The following TCF4 variants were observed in gnomAD, a reference collection of about 807,000 sequenced individuals.
The protein encoded by TCF4 is SL3-3 enhancer factor 2.
A neutral mutation model predicts 82.1 loss-of-function variants in TCF4; 3 were observed. That is an observed-to-expected ratio of 0.04 (90% CI 0.02 to 0.09). TCF4 has a LOEUF of 0.09. TCF4 is among the 10% of genes least tolerant of loss of function. The pLI is 1.00. For missense variants in TCF4, 518 were observed against 852.7 expected (o/e 0.61, Z 4.89); for synonymous variants, 276 against 309.6 (o/e 0.89, Z 1.14).
intron 3 of TCF4, among the ~76,000 whole-genome samples, chr18:55,579,711 T>TCACAGGC (rs769749334): frequency 3.9e-5 from 6 of 152,090 alleles, no homozygotes; most frequent in Middle Eastern, 6.8e-3. Flanking sequence ...ACGTTGAAAA[T>TCACAGGC]CACAGGCCTG....
chr18:55,489,047 C>T (rs2096548146), intron 3 of TCF4, among the ~76,000 whole-genome samples: 1 of 152,136 alleles, frequency 6.6e-6, no homozygotes, highest in South Asian at 2.1e-4. Flanking sequence ...GGACACATGA[C>T]AGAGGCTGGT....
intron 6 of TCF4, among the ~76,000 whole-genome samples, chr18:55,363,716 G>A (rs2086103746): frequency 6.6e-6 from 1 of 152,112 alleles, no homozygotes; most frequent in Non-Finnish European, 1.5e-5. Flanking sequence ...TGAGGCAGAA[G>A]AATCGCCTGA....
chr18:55,261,052 T>G (rs1361150686), intron 12 of TCF4: 2 of 163,030 alleles, frequency 1.2e-5, no homozygotes. Flanking sequence ...CAGTTCTTCA[T>G]GGACCTCAGT....
chr18:55,616,570 C>A (rs2097712281), intron 2 of TCF4, among the ~76,000 whole-genome samples: 1 of 152,074 alleles, frequency 6.6e-6, no homozygotes, highest in Non-Finnish European at 1.5e-5. Context: ...CACCATTTTA[C>A]CATCCCACCA....
intron 8 of TCF4, among the ~76,000 whole-genome samples, chr18:55,325,176 T>C (rs1421046125): frequency 6.6e-6 from 1 of 152,218 alleles, no homozygotes; most frequent in Non-Finnish European, 1.5e-5. Flanking sequence ...TGAAGAGCTA[T>C]ATTCAACCAT....
At chr18:55,403,314 T>C (rs1020526915) in intron 6 of TCF4, 140 bp downstream of exon 6, 11 of 929,094 alleles carry the variant, frequency 1.2e-5, no homozygotes, top group Admixed American at 5.2e-5. Flanking sequence ...TGTTATTTCA[T>C]TACTTAAAGA....
At chr18:55,397,191 C>T (rs1204428225) in intron 6 of TCF4, among the ~76,000 whole-genome samples, 1 of 152,166 alleles carries the variant, frequency 6.6e-6, no homozygotes, top group African/African-American at 2.4e-5. Context: ...TTACCAACAG[C>T]AGCATAGCTC....
Position 55,588,148 on chromosome 18 carries a change from G to C in TCF4, c.-131C>G. 9.2e-7 allele frequency: 1 copy of C among 1,085,318 alleles called. No homozygotes were observed. The highest frequency in any genetic ancestry group is 1.1e-6 in the Non-Finnish European group (1 of 900,544). The allele number at this position is 1,085,318 out of a possible 1,614,324, so 67.2% of individuals were successfully genotyped here. The stretch of plus-strand genomic sequence containing the variant: ...TGCTCCTGCGCCCGCTCCCGCGCCT[G>C]CTGCCTCCCCGCCGCCGCCGCCGCC... On this transcript the variant is annotated 5_prime_UTR_variant, in exon 1 of 20. Transcript: ENST00000354452.
upstream of TCF4, chr18:55,588,497 A>C: frequency 2.6e-6 from 4 of 1,535,248 alleles, no homozygotes; most frequent in Non-Finnish European, 3.5e-6. Context: ...CGTCAGTTAC[A>C]ATCTGAAGCC....
At chr18:55,324,321 T>C (rs1183682355) in intron 8 of TCF4, among the ~76,000 whole-genome samples, 2 of 152,222 alleles carry the variant, frequency 1.3e-5, no homozygotes, top group African/African-American at 2.4e-5. Context: ...ATGTTTGGTT[T>C]TGGTTTGCTG....
At chr18:55,236,242 T>C (rs1053300900) in intron 15 of TCF4, among the ~76,000 whole-genome samples, 9 of 152,168 alleles carry the variant, frequency 5.9e-5, no homozygotes, top group African/African-American at 2.2e-4. Flanking sequence ...CAGAGAGATG[T>C]AGGAAGTCCA....
chr18:55,583,087 A>AGTG (rs2097592591), intron 3 of TCF4, among the ~76,000 whole-genome samples: 6 of 152,166 alleles, frequency 3.9e-5, no homozygotes. Flanking sequence ...TGTACCCTAC[A>AGTG]TATTATAATC....
intron 2 of TCF4, among the ~76,000 whole-genome samples, chr18:55,605,350 C>T (rs1386330448): frequency 1.3e-5 from 2 of 152,206 alleles, no homozygotes; most frequent in Admixed American, 1.3e-4. Context: ...CTTGGTCTAG[C>T]AAGAGCATTG....
chr18:55,321,356 A>T, intron 8 of TCF4: 1 of 370,088 alleles, frequency 2.7e-6, no homozygotes, highest in Admixed American at 3.9e-5. Context: ...ATTTTCCAAA[A>T]CTCTTTAAAA....
intron 11 of TCF4, chr18:55,268,444 C>T (rs1339541954): frequency 1.3e-5 from 2 of 152,076 alleles, no homozygotes; most frequent in African/African-American, 4.8e-5. Context: ...TAACAAACTT[C>T]CCCATGTGAC....
chr18:55,379,088 G>C (rs1623427), intron 6 of TCF4, among the ~76,000 whole-genome samples: 52,711 of 152,006 alleles, frequency 0.35, 9,412 homozygotes, highest in East Asian at 0.57. Context: ...TGACCTCCCT[G>C]TTTCAAAGAA....
intron 3 of TCF4, among the ~76,000 whole-genome samples, chr18:55,584,015 C>T (rs2097606188): frequency 6.6e-6 from 1 of 151,912 alleles, no homozygotes; most frequent in Admixed American, 6.6e-5. Flanking sequence ...TCAATGTGCA[C>T]CAGAAAACTA....
chr18:55,362,843 C>T (rs1660233), intron 6 of TCF4, among the ~76,000 whole-genome samples: 76,950 of 152,030 alleles, frequency 0.51, 21,731 homozygotes, highest in African/African-American at 0.78. Flanking sequence ...ATTCAGCATA[C>T]GACACTGACT....
intron 8 of TCF4, among the ~76,000 whole-genome samples, chr18:55,304,510 C>G (rs1471458988): frequency 2.0e-5 from 3 of 152,074 alleles, no homozygotes; most frequent in Non-Finnish European, 4.4e-5. Context: ...AAAACAATAT[C>G]ATGCATTTCT....
Sources: gnomAD v4.1 joint callset for allele counts (sites outside exome capture counted in the v4.1 genomes callset) on GRCh38, gnomAD v4.1.1 for gene constraint, MANE v1.5 for transcripts, NCBI Gene and HGNC (gene_info 2026-07-23, HGNC 2026-07-21) for gene names.